The following KAZN variants were observed in gnomAD, a reference collection of about 807,000 sequenced individuals.
KAZN encodes the protein kazrin, periplakin interacting protein.
Under a neutral mutation model 87.4 loss-of-function variants are expected in KAZN, and 40 were observed. The observed-to-expected ratio is 0.46, with a 90% CI of 0.36 to 0.60. The LOEUF (loss-of-function observed/expected upper bound fraction) is 0.60, where lower values mean the gene tolerates loss of function less well. Ranked by LOEUF, KAZN falls within the 20% of genes least tolerant of loss-of-function variation. KAZN has a pLI of 0.00. For missense variants in KAZN, 898 were observed against 1,073.9 expected, an observed-to-expected ratio of 0.84 and a Z score of 2.29; for synonymous variants, 466 against 458.3, an observed-to-expected ratio of 1.02 and a Z score of -0.22.
chr1:14,833,836 G>A (rs1299600365), intron 1 of KAZN, among the ~76,000 whole-genome samples: 1 of 152,084 alleles, frequency 6.6e-6, no homozygotes, highest in Non-Finnish European at 1.5e-5. Context: ...CCAGCAGGTG[G>A]TGGCCGCCTC....
At chr1:14,055,750 C>CCCT (rs143142987) in intron 1 of KAZN, among the ~76,000 whole-genome samples, 8,069 of 152,144 alleles carry the variant, frequency 0.053, 582 homozygotes, top group African/African-American at 0.16. Flanking sequence ...CCTCCCTCTA[C>CCCT]CCTCTGGAAT....
Position 15,034,756 on chromosome 1 carries a change from A to T in KAZN, c.426A>T (p.Lys142Asn). Residue 142 changes from lysine to asparagine, a missense_variant, in exon 3 of 15, where the codon AAA becomes AAT. Around this residue, in one of 3 missense-constraint regions of KAZN, gnomAD observed 250 missense variants for 263.0 expected, o/e 0.95. Transcript: ENST00000376030. Reference protein sequence around the residue: ...ARAKEALQAMKADRKRLKGEK... With the variant: ...ARAKEALQAMNADRKRLKGEK... ...TCTCTCCTTTATCCCCAGCCATGAA[A>T]GCTGATCGGAAGCGCTTAAAGGGCG... is the stretch of plus-strand genomic sequence containing the variant. 6.2e-7 allele frequency: 1 copy of T among 1,614,160 alleles called. No individual in the cohort carries two copies. Among genetic ancestry groups the T allele is most frequent in the Non-Finnish European group, 8.5e-7 (1 of 1,180,012 alleles).
intron 2 of KAZN, among the ~76,000 whole-genome samples, chr1:14,412,492 CTAA>C (rs1664388034): frequency 1.3e-5 from 2 of 151,822 alleles, no homozygotes; most frequent in South Asian, 4.1e-4. Flanking sequence ...TATACATTAG[CTAA>C]AAAAATTAGC....
chr1:14,857,966 C>T (rs72870327), intron 1 of KAZN, among the ~76,000 whole-genome samples: 2,513 of 152,212 alleles, frequency 0.017, 70 homozygotes, highest in African/African-American at 0.058. Context: ...TATCCTCCCC[C>T]GACTTCCCAG....
chr1:14,296,515 A>G (rs1009244623), intron 2 of KAZN, among the ~76,000 whole-genome samples: 1 of 152,090 alleles, frequency 6.6e-6, no homozygotes, highest in Non-Finnish European at 1.5e-5. Flanking sequence ...GTCCACATTC[A>G]GGGAGCATGA....
At chr1:14,939,480 C>A (rs1181098242) in intron 1 of KAZN, among the ~76,000 whole-genome samples, 2 of 151,558 alleles carry the variant, frequency 1.3e-5, no homozygotes, top group African/African-American at 4.9e-5. Context: ...TCACTTGTTG[C>A]CCAGGCTGGT....
intron 1 of KAZN, among the ~76,000 whole-genome samples, chr1:14,711,260 C>T (rs1243386050): frequency 6.6e-6 from 1 of 150,586 alleles, no homozygotes; most frequent in African/African-American, 2.5e-5. Flanking sequence ...TAGTCCCAGC[C>T]ACTTGGGAGG....
chr1:14,908,125 CG>C (rs1161495416), intron 1 of KAZN, among the ~76,000 whole-genome samples: 1 of 152,208 alleles, frequency 6.6e-6, no homozygotes, highest in Non-Finnish European at 1.5e-5. Context: ...GTCAGCGGCA[CG>C]GTGGCTCACA....
intron 1 of KAZN, among the ~76,000 whole-genome samples, chr1:14,891,651 A>G (rs1248477330): frequency 1.3e-5 from 2 of 152,148 alleles, no homozygotes; most frequent in Non-Finnish European, 2.9e-5. Context: ...TTTTTTCTAA[A>G]AGCAAGTTAG....
At position 14,669,659 on chromosome 1, in the gene KAZN, A is replaced by G. The variant is rs567570067; in HGVS notation, c.226+70436A>G. Among the ~76,000 whole-genome samples the G allele has an allele frequency of 4.2e-3, 640 of 152,260 alleles. 5 individuals carry two copies. The highest frequency in any genetic ancestry group is 0.014 in the African/African-American group (575 of 41,546). On this transcript the variant is annotated intron_variant, in intron 1 of 14. Coordinates refer to ENST00000376030, the MANE Select transcript of KAZN (RefSeq NM_201628.3). ...CTACTCAGGAGGCTGGGATGGGAGG[A>G]TCGCTTGAGCCCAAGAGTTTGAGGC...
At chr1:14,559,352 T>C (rs996092903) in intron 2 of KAZN, among the ~76,000 whole-genome samples, 3 of 152,172 alleles carry the variant, frequency 2.0e-5, no homozygotes, top group African/African-American at 7.2e-5. Flanking sequence ...AAATGCCTAG[T>C]TGGAGAGGAG....
intron 1 of KAZN, among the ~76,000 whole-genome samples, chr1:14,932,130 C>T (rs941150909): frequency 7.9e-5 from 12 of 152,282 alleles, no homozygotes; most frequent in African/African-American, 2.9e-4. Flanking sequence ...CGCAGAGGAG[C>T]CAAGGCGCTG....
chr1:14,372,928 G>A lies in KAZN; in HGVS notation c.249+192336G>A, dbSNP rs555508006. ...TTAATAACTAATTATATAAAATCACGTAACAGAAACAGGGGATAGAGATAG... is the reference window on the plus strand; with the variant it reads ...TTAATAACTAATTATATAAAATCACATAACAGAAACAGGGGATAGAGATAG... On this transcript the variant is annotated intron_variant, in intron 2 of 16. Transcript: ENST00000636203. Among the ~76,000 whole-genome samples, 188 of 152,206 alleles carry A rather than the reference G, an allele frequency of 1.2e-3. 1 individual carries two copies. Among genetic ancestry groups the A allele is most frequent in the African/African-American group, 3.9e-3 (162 of 41,536 alleles).
intron 2 of KAZN, among the ~76,000 whole-genome samples, chr1:14,291,328 C>G (rs1165377380): frequency 6.6e-6 from 1 of 152,194 alleles, no homozygotes; most frequent in Non-Finnish European, 1.5e-5. Flanking sequence ...GCTGAGCTCC[C>G]GTGGCCTCCA....
intron 1 of KAZN, among the ~76,000 whole-genome samples, chr1:14,124,493 T>G (rs891591036): frequency 3.9e-5 from 6 of 152,238 alleles, no homozygotes; most frequent in African/African-American, 1.4e-4. Context: ...GATCTTGCAT[T>G]CAGCTTCATT....
intron 2 of KAZN, among the ~76,000 whole-genome samples, chr1:14,436,879 C>A (rs1326971672): frequency 6.6e-6 from 1 of 152,112 alleles, no homozygotes. Context: ...TCAGGTCTGT[C>A]TGATTCCAAA....
chr1:14,464,018 C>T (rs1667985707), intron 2 of KAZN, among the ~76,000 whole-genome samples: 1 of 152,216 alleles, frequency 6.6e-6, no homozygotes, highest in African/African-American at 2.4e-5. Flanking sequence ...ACTAGGAAGA[C>T]CATCTGTCTG....
Position 14,856,468 on chromosome 1 carries a change from T to C in KAZN, c.227-104216T>C, listed in dbSNP as rs1456262117. 6.6e-6 allele frequency among the ~76,000 whole-genome samples: 1 copy of C among 152,200 alleles called. No individual in the cohort carries two copies. The highest frequency in any genetic ancestry group is 1.5e-5 in the Non-Finnish European group (1 of 68,034). On this transcript the variant is annotated intron_variant, in intron 1 of 14. Transcript: ENST00000376030. The surrounding 1 kb of genome is among the most constrained non-coding windows in gnomAD (Gnocchi z 5.2). ...AAAGGGCTGGGAATTAATATATACA[T>C]AAGCGCATCTGCTCTAAACACTTTT...
rs908501663 is a variant in KAZN at position 14,396,123 on chromosome 1, G to A, written c.250-202860G>A. 9.2e-5 allele frequency among the ~76,000 whole-genome samples: 13 copies of A among 140,652 alleles called. No individual in the cohort carries two copies. In the East Asian group the frequency reaches 1.7e-3, roughly 19 times the overall value. 92.3% of individuals were successfully genotyped at this position (140,652 alleles called of 152,430 possible). A position where few individuals can be genotyped will look rare whatever the true frequency, so the allele number is the denominator to read the frequency against. ...GCAAAGGTTGCAGTGAGCCGAGACC[G>A]CACCACTGCTCTCCAGCCTGAGCGA... On this transcript the variant is annotated intron_variant, in intron 2 of 16. Transcript: ENST00000636203.
Sources: gnomAD v4.1 joint callset for allele counts (sites outside exome capture counted in the v4.1 genomes callset) on GRCh38, gnomAD v4.1.1 for gene constraint, gnomAD v4.1.1 regional missense constraint, Gnocchi (gnomAD v3.1) non-coding constraint, MANE v1.5 for transcripts, NCBI Gene and HGNC (gene_info 2026-07-23, HGNC 2026-07-21) for gene names.